ESYT2: variants seen among roughly 807,000 people sequenced by gnomAD.
ESYT2 encodes extended synaptotagmin 2.
ESYT2 carries 54 observed loss-of-function variants against 107.2 expected under a neutral mutation model. The observed-to-expected ratio is 0.50, with a 90% CI of 0.40 to 0.63. The LOEUF is 0.63. Among genes scored for constraint, ESYT2 ranks in the 30% least tolerant of loss-of-function variants. The probability of loss-of-function intolerance (pLI) is 0.00; values close to 1 mark genes in which losing one functional copy is unlikely to be tolerated. For synonymous variants in ESYT2, 491 were observed against 434.1 expected (o/e 1.13, Z -1.63); for missense variants, 1,020 against 1,094.5 (o/e 0.93, Z 0.96).
At chr7:158,751,990 A>G (rs1195164692) in intron 14 of ESYT2, among the ~76,000 whole-genome samples, 1 of 152,146 alleles carries the variant, frequency 6.6e-6, no homozygotes, top group East Asian at 1.9e-4. Context: ...CAAATACCAC[A>G]ATATAAAGCA....
chr7:158,787,233 A>G (rs574915081), intron 6 of ESYT2, among the ~76,000 whole-genome samples: 5 of 152,366 alleles, frequency 3.3e-5, no homozygotes, highest in East Asian at 1.9e-4. Context: ...AACAGCAGCA[A>G]CAACAACACA....
intron 1 of ESYT2, among the ~76,000 whole-genome samples, chr7:158,810,940 T>C (rs954247111): frequency 2.6e-5 from 4 of 151,614 alleles, no homozygotes; most frequent in African/African-American, 9.7e-5. Context: ...AACAGTTAAT[T>C]GTATAGTTTA....
chr7:158,735,602 A>G lies in ESYT2; in HGVS notation c.2406T>C (p.Asp802=), dbSNP rs1224388462. The change falls in exon 21 of 23, where the codon GAT becomes GAC. Residue 802 remains aspartate, a synonymous_variant. Coordinates refer to ENST00000275418, the MANE Select transcript of ESYT2 (RefSeq NM_001367773.1). ...TLNPVFDQSF[D]FSVSLPEVQR... ...GCACTTCTGGTAACGAAACACTGAA[A>G]TCAAAGCTGAAATAGGAAACGAGAG... 3.1e-6 allele frequency: 5 copies of G among 1,613,268 alleles called. No homozygotes were observed. The highest frequency in any genetic ancestry group is 3.4e-6 in the Non-Finnish European group (4 of 1,179,410).
chr7:158,742,916 G>A (rs555415077), intron 17 of ESYT2, among the ~76,000 whole-genome samples: 61 of 152,252 alleles, frequency 4.0e-4, no homozygotes, highest in African/African-American at 1.3e-3. Context: ...AGTCTCTGCC[G>A]GGGCAAGGAG....
At chr7:158,810,688 G>A (rs200641413) in intron 1 of ESYT2, among the ~76,000 whole-genome samples, 1 of 149,674 alleles carries the variant, frequency 6.7e-6, no homozygotes, top group Non-Finnish European at 1.5e-5. Context: ...TCTTGGGGGG[G>A]AAAAAAAAAG....
intron 4 of ESYT2, among the ~76,000 whole-genome samples, chr7:158,792,714 T>C (rs1316653411): frequency 6.6e-6 from 1 of 151,476 alleles, no homozygotes; most frequent in Non-Finnish European, 1.5e-5. Flanking sequence ...GCAGTGTTCC[T>C]GATTTTAAAG....
chr7:158,782,806 G>A (rs1372284379), intron 6 of ESYT2, among the ~76,000 whole-genome samples: 1 of 152,228 alleles, frequency 6.6e-6, no homozygotes, highest in South Asian at 2.1e-4. Flanking sequence ...ATGAAACCGT[G>A]TGAGAACAAG....
intron 15 of ESYT2, among the ~76,000 whole-genome samples, chr7:158,748,878 C>A (rs1446610561): frequency 6.6e-6 from 1 of 151,572 alleles, no homozygotes; most frequent in Non-Finnish European, 1.5e-5. Context: ...TGCCACCATG[C>A]CCAGCTAATT....
Position 158,760,250 on chromosome 7 carries a change from G to A in ESYT2, c.1234-103C>T, listed in dbSNP as rs1216667741. 4.1e-6 allele frequency: 4 copies of A among 980,322 alleles called. No individual in the cohort carries two copies. In the East Asian group the frequency reaches 9.8e-5, roughly 24 times the overall value. 60.7% of individuals were successfully genotyped at this position (980,322 alleles called of 1,614,324 possible). A position where few individuals can be genotyped will look rare whatever the true frequency, so the allele number is the denominator to read the frequency against. On this transcript the variant is annotated intron_variant, in intron 11 of 22. Coordinates refer to ENST00000275418, the MANE Select transcript of ESYT2 (RefSeq NM_001367773.1). Reference sequence around the variant, plus strand: ...GTTCCATGCTGCTCACTAACCACGAGGCATCAACAGTTCTCAGTAACGCGA... The same window carrying A: ...GTTCCATGCTGCTCACTAACCACGAAGCATCAACAGTTCTCAGTAACGCGA...
intron 6 of ESYT2, among the ~76,000 whole-genome samples, chr7:158,782,666 G>A (rs1435570962): frequency 6.6e-6 from 1 of 152,118 alleles, no homozygotes; most frequent in Non-Finnish European, 1.5e-5. Flanking sequence ...TAAAGAACAA[G>A]TGTGAGAACA....
intron 4 of ESYT2, 29 bp from the exon 5 acceptor site, chr7:158,788,446 T>C (rs756103335): frequency 6.4e-7 from 1 of 1,554,282 alleles, no homozygotes; most frequent in Non-Finnish European, 8.8e-7. Flanking sequence ...TTACATGATG[T>C]AAGTGAAATG....
At chr7:158,812,784 A>C (rs183351197) in intron 1 of ESYT2, among the ~76,000 whole-genome samples, 50 of 152,358 alleles carry the variant, frequency 3.3e-4, no homozygotes, top group Non-Finnish European at 6.3e-4. Flanking sequence ...GCTACAATGC[A>C]AATTAACCTC....
intron 6 of ESYT2, among the ~76,000 whole-genome samples, chr7:158,780,260 G>A (rs1011830728): frequency 6.6e-6 from 1 of 152,314 alleles, no homozygotes; most frequent in African/African-American, 2.4e-5. Context: ...CAGGCTCCAA[G>A]CCCACTGCCT....
At chr7:158,816,845 A>C (rs1402867231) in intron 1 of ESYT2, among the ~76,000 whole-genome samples, 2 of 152,258 alleles carry the variant, frequency 1.3e-5, no homozygotes, top group African/African-American at 4.8e-5. Context: ...AAGTAGGAAG[A>C]GTATTGTTAC....
At chr7:158,734,374 G>T in intron 22 of ESYT2, 48 bp downstream of exon 22, 4 of 1,612,348 alleles carry the variant, frequency 2.5e-6, no homozygotes, top group Non-Finnish European at 3.4e-6. Context: ...CGGGGAAAGC[G>T]TTTTTAGCTA....
At chr7:158,821,575 A>C (rs1243787126) in intron 1 of ESYT2, among the ~76,000 whole-genome samples, 2 of 152,246 alleles carry the variant, frequency 1.3e-5, no homozygotes, top group Admixed American at 6.5e-5. Flanking sequence ...ACGTCCCTGC[A>C]TCCTGTAAAT....
intron 14 of ESYT2, among the ~76,000 whole-genome samples, chr7:158,751,455 T>A (rs967262917): frequency 6.6e-6 from 1 of 152,198 alleles, no homozygotes; most frequent in Admixed American, 6.5e-5. Context: ...AATAAAAATA[T>A]AAGCGTTAAG....
intron 6 of ESYT2, 38 bp from the exon 7 acceptor site, chr7:158,773,434 A>C (rs1231925625): frequency 1.6e-5 from 26 of 1,609,392 alleles, no homozygotes; most frequent in Non-Finnish European, 2.0e-5. Flanking sequence ...AGTTCCAAAC[A>C]ATTTCCAATT....
chr7:158,741,374 C>T (rs1015777259), intron 18 of ESYT2, 149 bp downstream of exon 18: 9 of 1,182,518 alleles, frequency 7.6e-6, no homozygotes, highest in Non-Finnish European at 1.0e-5. Context: ...GGCAACACAA[C>T]CTGAAGTGCT....
Sources: gnomAD v4.1 joint callset for allele counts (sites outside exome capture counted in the v4.1 genomes callset) on GRCh38, gnomAD v4.1.1 for gene constraint, MANE v1.5 for transcripts, NCBI Gene and HGNC (gene_info 2026-07-23, HGNC 2026-07-21) for gene names.